MAP7: variants seen among roughly 807,000 people sequenced by gnomAD.
MAP7 encodes the protein ensconsin.
In MAP7, 52 loss-of-function variants were observed where a neutral mutation model predicts 94.8. The ratio of observed to expected loss-of-function variants is 0.55; its 90% confidence interval spans 0.44 to 0.69. The LOEUF (loss-of-function observed/expected upper bound fraction) is 0.69, where lower values mean the gene tolerates loss of function less well. Ranked by LOEUF, MAP7 falls within the 30% of genes least tolerant of loss-of-function variation. The pLI, the probability that MAP7 is intolerant of heterozygous loss-of-function variation, is 0.00. For synonymous variants in MAP7, 350 were observed against 357.0 expected (o/e 0.98, Z 0.22); for missense variants, 940 against 964.6 (o/e 0.97, Z 0.34).
At chr6:136,373,729 G>A (rs576002510) in intron 7 of MAP7, among the ~76,000 whole-genome samples, 2 of 152,310 alleles carry the variant, frequency 1.3e-5, no homozygotes, top group African/African-American at 4.8e-5. Context: ...CTCAACTGTA[G>A]TCTTTGTAGC....
intron 1 of MAP7, among the ~76,000 whole-genome samples, chr6:136,448,701 C>G (rs1252005894): frequency 1.3e-5 from 2 of 151,906 alleles, no homozygotes; most frequent in Non-Finnish European, 2.9e-5. Flanking sequence ...GCGTGGCCAC[C>G]GTGCCTAGCA....
chr6:136,373,887 A>C (rs748906281), intron 7 of MAP7, among the ~76,000 whole-genome samples: 2 of 152,234 alleles, frequency 1.3e-5, no homozygotes, highest in Non-Finnish European at 2.9e-5. Context: ...TTACAGACAG[A>C]AAGTCAATCA....
intron 7 of MAP7, 58 bp from the exon 8 acceptor site, chr6:136,372,683 G>A (rs761695862): frequency 8.5e-5 from 137 of 1,610,046 alleles, no homozygotes; most frequent in East Asian, 2.2e-5. Context: ...ACACACAAGA[G>A]TGCCAGAGGA....
chr6:136,420,441 T>C, intron 2 of MAP7: 2 of 497,844 alleles, frequency 4.0e-6, no homozygotes, highest in Admixed American at 3.5e-5. Flanking sequence ...GTGATTTTCA[T>C]GCTAAAGAAT....
intron 5 of MAP7, among the ~76,000 whole-genome samples, chr6:136,385,105 C>A (rs1562338223): frequency 6.6e-6 from 1 of 152,134 alleles, no homozygotes; most frequent in Non-Finnish European, 1.5e-5. Context: ...AAACTCAGTA[C>A]CCGTTGGTCT....
rs1191996244 is a variant in MAP7, at chr6:136,388,434, C to T, written c.485G>A (p.Trp162Ter). The T allele has an allele frequency of 6.2e-7, 1 of 1,614,146 alleles. No individual in the cohort carries two copies. Residue 162 changes from tryptophan to a stop codon, truncating the protein, a stop_gained, in exon 5 of 18, where the codon TGG becomes TAG. Coordinates refer to ENST00000354570, the MANE Select transcript of MAP7 (RefSeq NM_003980.6). LOFTEE classifies it high-confidence loss of function. ...KPKQKHNRWS[W>*]GGSLHGSPSI... Reference sequence around the variant, plus strand: ...AGGGCTCCCATGGAGAGAGCCTCCCCACGACCAACGGTTATGCTTCTGTTT... The same window carrying T: ...AGGGCTCCCATGGAGAGAGCCTCCCTACGACCAACGGTTATGCTTCTGTTT...
chr6:136,376,669 G>T (rs961327503), intron 7 of MAP7, among the ~76,000 whole-genome samples: 6 of 152,158 alleles, frequency 3.9e-5, no homozygotes, highest in Non-Finnish European at 8.8e-5. Flanking sequence ...TTATGATCCT[G>T]TCTGCCCATT....
At chr6:136,490,674 T>G (rs1027792011) in intron 1 of MAP7, among the ~76,000 whole-genome samples, 5 of 152,222 alleles carry the variant, frequency 3.3e-5, no homozygotes, top group African/African-American at 1.2e-4. Flanking sequence ...AGCATGATCT[T>G]TCAGGGTGTG....
At chr6:136,463,812 T>C (rs372285047) in intron 1 of MAP7, among the ~76,000 whole-genome samples, 22 of 152,330 alleles carry the variant, frequency 1.4e-4, no homozygotes, top group East Asian at 1.2e-3. Flanking sequence ...TTTTGAAATC[T>C]AGTTTTCTGA....
At position 136,348,419 on chromosome 6, in the gene MAP7, G is replaced by C. The variant is rs115198515; in HGVS notation, c.2016-2340C>G. 3.9e-3 allele frequency among the ~76,000 whole-genome samples: 592 copies of C among 152,290 alleles called. 5 individuals carry two copies. Among genetic ancestry groups the C allele is most frequent in the African/African-American group, 0.014 (569 of 41,542 alleles). The stretch of plus-strand genomic sequence containing the variant: ...GAAATGTTCAGGGGACATCGGGACT[G>C]GTAGAAACTATAAAACTGAAACTGA... On this transcript the variant is annotated intron_variant, in intron 16 of 17. Transcript: ENST00000354570.
intron 1 of MAP7, among the ~76,000 whole-genome samples, chr6:136,467,887 C>T (rs1037826784): frequency 6.6e-6 from 1 of 152,188 alleles, no homozygotes; most frequent in Non-Finnish European, 1.5e-5. Flanking sequence ...CCCCTCTGAA[C>T]TAGCCCCTTT....
At chr6:136,549,470 A>G (rs1294478009) in intron 1 of MAP7, among the ~76,000 whole-genome samples, 1 of 152,032 alleles carries the variant, frequency 6.6e-6, no homozygotes, top group African/African-American at 2.4e-5. Context: ...GCTTCATACT[A>G]TGGAGAGATG....
intron 2 of MAP7, chr6:136,419,937 C>G: frequency 1.6e-6 from 1 of 620,788 alleles, no homozygotes; most frequent in Non-Finnish European, 3.0e-6. Context: ...CTATTTCTTC[C>G]TCTGATAGCT....
intron 6 of MAP7, among the ~76,000 whole-genome samples, chr6:136,382,408 A>G (rs1378696716): frequency 2.6e-5 from 4 of 152,252 alleles, no homozygotes; most frequent in African/African-American, 9.6e-5. Context: ...CCAACTGCAA[A>G]GAAAAGATGA....
chr6:136,391,079 C>T (rs1780563907), intron 3 of MAP7, among the ~76,000 whole-genome samples: 1 of 152,114 alleles, frequency 6.6e-6, no homozygotes, highest in African/African-American at 2.4e-5. Context: ...AAATTCACTT[C>T]AATAAAAAGC....
rs3778298 is a variant in MAP7 at position 136,376,635 on chromosome 6, T to C, written c.751+1120A>G. Among the ~76,000 whole-genome samples, 870 of 152,274 alleles carry C rather than the reference T, an allele frequency of 5.7e-3. 25 individuals carry two copies. The highest frequency in any genetic ancestry group is 0.04 in the Admixed American group (612 of 15,294). ...TGCACATAAAGCATCATTCAGGGCA[T>C]TGAGGATGGAGGGGAAAGCACATTT... On this transcript the variant is annotated intron_variant, in intron 7 of 17. Transcript: ENST00000354570.
rs1344972919 is a variant in MAP7 at position 136,411,610 on chromosome 6, C to T, written c.244+10G>A. 1 of 1,555,884 alleles carries T rather than the reference C, an allele frequency of 6.4e-7. No homozygotes were observed. The highest frequency in any genetic ancestry group is 2.4e-5 in the East Asian group (1 of 41,316). On this transcript the variant is annotated intron_variant, in intron 3 of 17. Coordinates refer to ENST00000354570, the MANE Select transcript of MAP7 (RefSeq NM_003980.6). ...TCAAATCAGGGCCATGGACACGGGG[C>T]CTGGGGTACCTAGCTGTTTCTCCCG...
chr6:136,418,162 G>C (rs971811685), intron 2 of MAP7, among the ~76,000 whole-genome samples: 2 of 152,172 alleles, frequency 1.3e-5, no homozygotes, highest in East Asian at 1.9e-4. Flanking sequence ...ACAGAACATA[G>C]TGTGCTCATA....
At chr6:136,490,460 A>C (rs566353457) in intron 1 of MAP7, among the ~76,000 whole-genome samples, 10 of 151,614 alleles carry the variant, frequency 6.6e-5, no homozygotes, top group Non-Finnish European at 1.5e-4. Context: ...TTTTTGATTC[A>C]GTACACTCTT....
Sources: allele counts gnomAD v4.1 joint callset (sites outside exome capture counted in the v4.1 genomes callset), GRCh38; gene constraint gnomAD v4.1.1; transcripts MANE v1.5; gene names NCBI Gene and HGNC (gene_info 2026-07-23, HGNC 2026-07-21).